The following TRIM46 variants were observed in gnomAD, a reference collection of about 807,000 sequenced individuals.
TRIM46 encodes tripartite motif containing 46, also known as tripartite motif-containing protein 46.
Under a neutral mutation model 69.7 loss-of-function variants are expected in TRIM46, and 17 were observed. The ratio of observed to expected loss-of-function variants is 0.24; its 90% confidence interval spans 0.17 to 0.37. The LOEUF is 0.37. TRIM46 is among the 10% of genes least tolerant of loss of function. TRIM46 has a pLI of 1.00. For missense variants in TRIM46, 675 were observed against 1,025.1 expected, an observed-to-expected ratio of 0.66 and a Z score of 4.66; for synonymous variants, 391 against 429.0, an observed-to-expected ratio of 0.91 and a Z score of 1.09.
At chr1:155,182,569 G>A (rs1346797549) in intron 9 of TRIM46, 7 of 252,118 alleles carry the variant, frequency 2.8e-5, no homozygotes, top group Admixed American at 9.9e-5. Context: ...AGCCGGATGC[G>A]GTGGCTCACG....
chr1:155,184,175 C>G lies in TRIM46; in HGVS notation c.2265C>G (p.Phe755Leu). 1 of 1,609,524 alleles carries G rather than the reference C, an allele frequency of 6.2e-7. No homozygotes were observed. The highest frequency in any genetic ancestry group is 2.2e-5 in the East Asian group (1 of 44,810). ...AGAGGAAAGTCACCATTGGGGGCTTCGCCAAGCTGGACTGAGCCTTCCAGG... is the reference window on the plus strand; with the variant it reads ...AGAGGAAAGTCACCATTGGGGGCTTGGCCAAGCTGGACTGAGCCTTCCAGG... ...KPERKVTIGG[F>L]AKLD Residue 755 changes from phenylalanine to leucine, a missense_variant, in exon 10 of 10, where the codon TTC (phenylalanine) becomes TTG (leucine). Phe to Leu is a conservative substitution (Grantham distance 22, BLOSUM62 0). This residue lies in a region of TRIM46 where 108 missense variants were observed against 153.0 expected (regional missense o/e 0.71). Transcript: ENST00000334634. This position sits in a 1 kb window ranked among gnomAD's most constrained non-coding sequence, Gnocchi z 5.6.
Position 155,173,912 on chromosome 1 carries a change from G to T in TRIM46, c.-55G>T, listed in dbSNP as rs1571723472. Reference sequence around the variant, plus strand: ...ACTGGGCTCCTGCATTAAGCCCGGGGTTCGCAGCCGCAGCCGGGATCGGGC... The same window carrying T: ...ACTGGGCTCCTGCATTAAGCCCGGGTTTCGCAGCCGCAGCCGGGATCGGGC... On this transcript the variant is annotated 5_prime_UTR_variant, in exon 1 of 10. Coordinates refer to ENST00000334634, the MANE Select transcript of TRIM46 (RefSeq NM_025058.5). 6.5e-7 allele frequency: 1 copy of T among 1,539,636 alleles called. No individual in the cohort carries two copies. Among genetic ancestry groups the T allele is most frequent in the Non-Finnish European group, 8.8e-7 (1 of 1,137,806 alleles).
chr1:155,180,530 G>A (rs994101456), intron 8 of TRIM46: 37 of 357,768 alleles, frequency 1.0e-4, no homozygotes, highest in African/African-American at 7.4e-4. Context: ...GGGAGGCGGA[G>A]GTTGCAGTGA....
Position 155,176,025 on chromosome 1 carries a change from C to T in TRIM46, c.463C>T (p.Arg155Cys), listed in dbSNP as rs763767825. ...GCTTTTCCGGAACCTGACCCTGGAG[C>T]GTGTGGTGGAGCGGTACCGCCAGAG... ...AGLFRNLTLE[R>C]VVERYRQSVS... The change falls in exon 3 of 10, where the codon CGT (arginine) becomes TGT (cysteine). Residue 155 changes from arginine (R) to cysteine (C), a missense_variant. This residue lies in a region of TRIM46 where 170 missense variants were observed against 255.6 expected (regional missense o/e 0.67). Coordinates refer to ENST00000334634, the MANE Select transcript of TRIM46 (RefSeq NM_025058.5). The T allele has an allele frequency of 8.1e-6, 13 of 1,613,976 alleles. No individual in the cohort carries two copies. The highest frequency in any genetic ancestry group is 4.5e-5 in the East Asian group (2 of 44,894).
chr1:155,181,899 C>G lies in TRIM46; in HGVS notation c.1636C>G (p.Leu546Val), dbSNP rs1037418982. ...CCGCTGGGGCGCAAGCCGAGAGCGGCTGGCTATCAGCAAGGACCAGCGAGC... is the reference window on the plus strand; with the variant it reads ...CCGCTGGGGCGCAAGCCGAGAGCGGGTGGCTATCAGCAAGGACCAGCGAGC... ...DSRWGASRER[L>V]AISKDQRAVR... The change falls in exon 9 of 10, where the codon CTG (leucine) becomes GTG (valine). Residue 546 changes from leucine to valine, a missense_variant. By Grantham distance (32) the Leu-to-Val change is conservative (BLOSUM62 1). Around this residue, in one of 5 missense-constraint regions of TRIM46, gnomAD observed 361 missense variants for 498.3 expected, o/e 0.72. Transcript: ENST00000334634. The surrounding 1 kb of genome is among the most constrained non-coding windows in gnomAD (Gnocchi z 4.3). 12 of 1,613,566 alleles carry G rather than the reference C, an allele frequency of 7.4e-6. No individual in the cohort carries two copies. The highest frequency in any genetic ancestry group is 1.0e-5 in the Non-Finnish European group (12 of 1,179,712).
chr1:155,178,947 T>G (rs1665923465), intron 7 of TRIM46: 1 of 887,656 alleles, frequency 1.1e-6, no homozygotes, highest in Non-Finnish European at 1.6e-6. Context: ...TGCTTCCTTC[T>G]CTTTCCTGCC....
intron 7 of TRIM46, among the ~76,000 whole-genome samples, chr1:155,179,175 T>G (rs1243119285): frequency 1.3e-5 from 2 of 152,180 alleles, no homozygotes; most frequent in East Asian, 3.9e-4. Flanking sequence ...TAAATCTCTC[T>G]TCTGAGCCTG....
At chr1:155,174,500 T>G in intron 1 of TRIM46, 1 of 1,434,274 alleles carries the variant, frequency 7.0e-7, no homozygotes, top group Non-Finnish European at 9.1e-7. Context: ...AGCCTGCGGT[T>G]GTCATGGCAA....
chr1:155,183,786 C>A lies in TRIM46; in HGVS notation c.1887-11C>A. The stretch of plus-strand genomic sequence containing the variant: ...CCTCAACAATCTCGTCCCCAACACC[C>A]GCTTCTGCAGGTACGACCCGGACAG... On this transcript the variant is annotated splice_polypyrimidine_tract_variant and intron_variant, in intron 9 of 9. Coordinates refer to ENST00000334634, the MANE Select transcript of TRIM46 (RefSeq NM_025058.5). 2 of 1,599,134 alleles carry A rather than the reference C, an allele frequency of 1.3e-6. No individual in the cohort carries two copies. The highest frequency in any genetic ancestry group is 1.7e-6 in the Non-Finnish European group (2 of 1,179,624).
At chr1:155,174,443 CCTCCCCAA>C (rs1432276615) in intron 1 of TRIM46, 1 of 954,408 alleles carries the variant, frequency 1.0e-6, no homozygotes, top group Non-Finnish European at 1.2e-6. Context: ...AATTTGGACC[CCTCCCCAA>C]GACCCCACCC....
At chr1:155,183,059 C>T (rs1305205876) in intron 9 of TRIM46, among the ~76,000 whole-genome samples, 5 of 151,668 alleles carry the variant, frequency 3.3e-5, no homozygotes, top group East Asian at 2.0e-4. Context: ...TACAGGCACC[C>T]GCCACCATGC....
In TRIM46 at chr1:155,181,997, G is replaced by C. The variant is rs745662310; in HGVS notation, c.1734G>C (p.Val578=). The C allele has an allele frequency of 1.9e-6, 3 of 1,613,592 alleles. No homozygotes were observed. Among genetic ancestry groups the C allele is most frequent in the Non-Finnish European group, 2.5e-6 (3 of 1,179,888 alleles). ...TGCTGACCGGCTGCCACCTGAGTGT[G>C]GATGTGGTCCTGGGCGACGTGGCTG... ...DRLLTGCHLS[V]DVVLGDVAVT... The change falls in exon 9 of 10, where the codon GTG becomes GTC. Residue 578 remains valine, a synonymous_variant. Coordinates refer to ENST00000334634, the MANE Select transcript of TRIM46 (RefSeq NM_025058.5). This position sits in a 1 kb window ranked among gnomAD's most constrained non-coding sequence, Gnocchi z 4.3.
Position 155,175,987 on chromosome 1 carries a change from G to C in TRIM46, c.425G>C (p.Arg142Pro). 1 of 1,613,600 alleles carries C rather than the reference G, an allele frequency of 6.2e-7. No homozygotes were observed. The highest frequency in any genetic ancestry group is 1.1e-5 in the South Asian group (1 of 91,058). ...ACQGDVELGE[R>P]GLAGLFRNLT... ...CAAGGTGATGTGGAGCTTGGGGAGC[G>C]GGGTCTGGCAGGGCTTTTCCGGAAC... is the stretch of plus-strand genomic sequence containing the variant. Residue 142 changes from arginine to proline, a missense_variant, in exon 3 of 10, where the codon CGG (arginine) becomes CCG (proline). Transcript: ENST00000334634. The surrounding 1 kb of genome is among the most constrained non-coding windows in gnomAD (Gnocchi z 4.2).
At position 155,175,305 on chromosome 1, in the gene TRIM46, G is replaced by A. The variant is rs7528026; in HGVS notation, c.64-81G>A. On this transcript the variant is annotated intron_variant, in intron 1 of 9. Coordinates refer to ENST00000334634, the MANE Select transcript of TRIM46 (RefSeq NM_025058.5). This position sits in a 1 kb window ranked among gnomAD's most constrained non-coding sequence, Gnocchi z 4.2. ...GTCTTGCTCCTTCCTCAGACCCCTA[G>A]GGTATCCAAGGGCAGCCAAGGGGCT... The A allele has an allele frequency of 0.028, 45,314 of 1,590,400 alleles. 801 individuals are homozygous for A. Among genetic ancestry groups the A allele is most frequent in the Admixed American group, 0.065 (3,411 of 52,102 alleles).
chr1:155,174,631 G>C (rs1665471984), intron 1 of TRIM46: 11 of 1,527,872 alleles, frequency 7.2e-6, no homozygotes, highest in Non-Finnish European at 9.6e-6. Context: ...GCTGCGAAGA[G>C]AGGGACCAAG....
chr1:155,182,181 G>T, intron 9 of TRIM46, 32 bp downstream of exon 9: 1 of 1,602,294 alleles, frequency 6.2e-7, no homozygotes, highest in Non-Finnish European at 8.5e-7. Flanking sequence ...TGGGGTGTGG[G>T]GGTCCTGGTG....
At chr1:155,174,634 G>A in intron 1 of TRIM46, 1 of 1,527,880 alleles carries the variant, frequency 6.5e-7, no homozygotes, top group South Asian at 1.2e-5. Flanking sequence ...GCGAAGAGAG[G>A]GACCAAGGTG....
chr1:155,184,243 A>G lies in TRIM46; in HGVS notation c.*53A>G, dbSNP rs1666386997. The G allele has an allele frequency of 1.3e-6, 2 of 1,497,952 alleles. No homozygotes were observed. The highest frequency in any genetic ancestry group is 2.8e-5 in the African/African-American group (2 of 71,134). The allele number at this position is 1,497,952 out of a possible 1,614,324, so 92.8% of individuals were successfully genotyped here. A position where few individuals can be genotyped will look rare whatever the true frequency, so the allele number is the denominator to read the frequency against. On this transcript the variant is annotated 3_prime_UTR_variant, in exon 10 of 10. Coordinates refer to ENST00000334634, the MANE Select transcript of TRIM46 (RefSeq NM_025058.5). The surrounding 1 kb of genome is among the most constrained non-coding windows in gnomAD (Gnocchi z 5.6). ...GGGTCCTCCTGGGCCCTGGCCCCCAAACCTCTTGGCACCCGGTTGTTACCC... is the reference window on the plus strand; with the variant it reads ...GGGTCCTCCTGGGCCCTGGCCCCCAGACCTCTTGGCACCCGGTTGTTACCC...
chr1:155,175,670 G>A lies in TRIM46; in HGVS notation c.325+23G>A. On this transcript the variant is annotated intron_variant, in intron 2 of 9. Transcript: ENST00000334634. This position sits in a 1 kb window ranked among gnomAD's most constrained non-coding sequence, Gnocchi z 4.2. ...CAGGTGGGACTGGGGCCTGTAGGGT[G>A]GGGATGGGAACGCTGAGCTATTCAT... 6.2e-7 allele frequency: 1 copy of A among 1,612,930 alleles called. No individual in the cohort carries two copies. The highest frequency in any genetic ancestry group is 8.5e-7 in the Non-Finnish European group (1 of 1,179,960).
Sources: allele counts gnomAD v4.1 joint callset (sites outside exome capture counted in the v4.1 genomes callset), GRCh38; gene constraint gnomAD v4.1.1; regional missense constraint gnomAD v4.1.1; non-coding constraint Gnocchi (gnomAD v3.1); transcripts MANE v1.5; gene names NCBI Gene and HGNC (gene_info 2026-07-23, HGNC 2026-07-21).